Variants in CACNB2 observed in about 807,000 individuals in gnomAD.
CACNB2 encodes voltage-dependent L-type calcium channel subunit beta-2.
A neutral mutation model predicts 73.3 loss-of-function variants in CACNB2; 42 were observed. The observed-to-expected ratio is 0.57, with a 90% CI of 0.45 to 0.74. The LOEUF is 0.74. Among genes scored for constraint, CACNB2 ranks in the 30% least tolerant of loss-of-function variants. The pLI, the probability that CACNB2 is intolerant of heterozygous loss-of-function variation, is 0.00. For missense variants in CACNB2, 940 were observed against 853.0 expected (o/e 1.10, Z -1.27); for synonymous variants, 348 against 310.3 (o/e 1.12, Z -1.28).
chr10:18,372,569 G>A (rs1750930724), intron 2 of CACNB2, among the ~76,000 whole-genome samples: 1 of 152,016 alleles, frequency 6.6e-6, no homozygotes, highest in Non-Finnish European at 1.5e-5. Context: ...ACTATGCCTG[G>A]CTAATTTTTG....
intron 13 of CACNB2, 180 bp from the exon 14 acceptor site, chr10:18,539,045 TTAATA>T (rs1278349566): frequency 2.9e-6 from 2 of 687,704 alleles, no homozygotes; most frequent in Non-Finnish European, 5.0e-6. Context: ...AAAGTCCAAT[TTAATA>T]TAGTATAGTA....
chr10:18,162,934 T>C (rs1195930148), intron 2 of CACNB2, among the ~76,000 whole-genome samples: 3 of 152,220 alleles, frequency 2.0e-5, no homozygotes, highest in Non-Finnish European at 4.4e-5. Flanking sequence ...TAAATACCGG[T>C]AGGCTCAGAT....
chr10:18,276,389 C>G (rs996884932), intron 2 of CACNB2, among the ~76,000 whole-genome samples: 1 of 152,114 alleles, frequency 6.6e-6, no homozygotes, highest in African/African-American at 2.4e-5. Flanking sequence ...GCACCCTCAC[C>G]CCACAAACAA....
chr10:18,353,150 G>A (rs1346158901), intron 2 of CACNB2, among the ~76,000 whole-genome samples: 5 of 152,248 alleles, frequency 3.3e-5, no homozygotes, highest in Admixed American at 1.3e-4. Context: ...GGTGGCTCAT[G>A]CCTGTAATCC....
chr10:18,156,608 C>T (rs1442919621), intron 2 of CACNB2, among the ~76,000 whole-genome samples: 1 of 152,174 alleles, frequency 6.6e-6, no homozygotes, highest in Non-Finnish European at 1.5e-5. Context: ...TATGAGGTTG[C>T]TGTTGGTTCT....
intron 1 of CACNB2, among the ~76,000 whole-genome samples, chr10:18,141,574 T>G (rs1050140980): frequency 2.0e-5 from 3 of 149,706 alleles, no homozygotes; most frequent in Non-Finnish European, 4.5e-5. Flanking sequence ...TTTCTCTCCG[T>G]TGAGTGTTTG....
rs115925965 is a variant in CACNB2, at chr10:18,458,148, A to C, written c.334-40207A>C. Among the ~76,000 whole-genome samples, 1,122 of 152,346 alleles carry C rather than the reference A, an allele frequency of 7.4e-3. 22 individuals are homozygous for C. The highest frequency in any genetic ancestry group is 0.025 in the African/African-American group (1,046 of 41,576). The stretch of plus-strand genomic sequence containing the variant: ...CTTTAAAAATATACAAGTATTTTAG[A>C]CTATGCAAACATTTACGCTTGTTTG... On this transcript the variant is annotated intron_variant, in intron 3 of 13. Transcript: ENST00000324631.
intron 1 of CACNB2, among the ~76,000 whole-genome samples, chr10:18,144,750 T>C (rs1041211239): frequency 3.9e-5 from 6 of 152,252 alleles, no homozygotes; most frequent in Non-Finnish European, 7.3e-5. Flanking sequence ...GCAATGACCA[T>C]GTTTTGGATA....
Position 18,536,097 on chromosome 10 carries a change from A to T in CACNB2, c.1207-4A>T. ...CTCTGTTAAAAACTCATTATCTTTT[A>T]CAGGTTTTACAAAGGTTAATAAAAT... On this transcript the variant is annotated splice_region_variant and splice_polypyrimidine_tract_variant and intron_variant, in intron 11 of 13. Coordinates refer to ENST00000324631, the MANE Select transcript of CACNB2 (RefSeq NM_201596.3). 1 of 1,561,002 alleles carries T rather than the reference A, an allele frequency of 6.4e-7. No homozygotes were observed. Among genetic ancestry groups the T allele is most frequent in the Non-Finnish European group, 8.8e-7 (1 of 1,131,980 alleles).
Position 18,452,259 on chromosome 10 carries a change from C to T in CACNB2, c.334-46096C>T, listed in dbSNP as rs116106766. 8.5e-3 allele frequency among the ~76,000 whole-genome samples: 1,294 copies of T among 152,032 alleles called. 17 individuals are homozygous for T. Among genetic ancestry groups the T allele is most frequent in the African/African-American group, 0.03 (1,237 of 41,478 alleles). On this transcript the variant is annotated intron_variant, in intron 3 of 13. Transcript: ENST00000324631. The stretch of plus-strand genomic sequence containing the variant: ...GCAACAAAGTGAGACCCTGTCTTTA[C>T]CAAATAGAAAAAAAATTGAATGGGC...
At chr10:18,453,380 C>T (rs1191822951) in intron 3 of CACNB2, among the ~76,000 whole-genome samples, 1 of 152,194 alleles carries the variant, frequency 6.6e-6, no homozygotes, top group East Asian at 1.9e-4. Flanking sequence ...CCAGTCCCAC[C>T]TCATTGCCTA....
At chr10:18,498,050 G>T (rs1005932667) in intron 3 of CACNB2, among the ~76,000 whole-genome samples, 1 of 152,094 alleles carries the variant, frequency 6.6e-6, no homozygotes, top group African/African-American at 2.4e-5. Flanking sequence ...CTGATTTACA[G>T]TTGCTACAAG....
intron 2 of CACNB2, among the ~76,000 whole-genome samples, chr10:18,320,926 G>A (rs1414167741): frequency 1.3e-5 from 2 of 152,116 alleles, no homozygotes; most frequent in Admixed American, 1.3e-4. Flanking sequence ...AGAAATAATT[G>A]TCTTACTTAA....
At chr10:18,509,338 T>C (rs1012487188) in intron 6 of CACNB2, among the ~76,000 whole-genome samples, 1 of 152,178 alleles carries the variant, frequency 6.6e-6, no homozygotes, top group African/African-American at 2.4e-5. Context: ...AAAGTATATA[T>C]GCTTGGATGC....
At chr10:18,382,171 A>G (rs1053728970) in intron 2 of CACNB2, among the ~76,000 whole-genome samples, 1 of 152,046 alleles carries the variant, frequency 6.6e-6, no homozygotes, top group African/African-American at 2.4e-5. Flanking sequence ...TACAGCAACA[A>G]TAATAATAAA....
chr10:18,255,060 C>G (rs896871490), intron 2 of CACNB2, among the ~76,000 whole-genome samples: 9 of 152,348 alleles, frequency 5.9e-5, no homozygotes, highest in Middle Eastern at 3.4e-3. Flanking sequence ...TGGCTTCTCT[C>G]TAGCCGTCTT....
At chr10:18,273,345 T>C (rs548296055) in intron 2 of CACNB2, among the ~76,000 whole-genome samples, 5 of 150,802 alleles carry the variant, frequency 3.3e-5, no homozygotes, top group South Asian at 2.1e-4. Flanking sequence ...CTGAGGAAAA[T>C]CCAAGTGCTG....
chr10:18,514,357 CTTCT>C lies in CACNB2; in HGVS notation c.795_798del (p.Phe265LeufsTer21). The C allele has an allele frequency of 6.2e-7, 1 of 1,614,102 alleles. No individual in the cohort carries two copies. The highest frequency in any genetic ancestry group is 8.5e-7 in the Non-Finnish European group (1 of 1,180,006). The stretch of plus-strand genomic sequence containing the variant: ...CCCACTCCAAAGAGAAAAGAATGCC[CTTCT>C]TTAAGAAGGTAACATTAACTTCCAA... On this transcript the variant is annotated frameshift_variant, in exon 7 of 14. Transcript: ENST00000324631. LOFTEE classifies it high-confidence loss of function.
chr10:18,499,928 G>A (rs1035623316), intron 4 of CACNB2, among the ~76,000 whole-genome samples: 6 of 151,982 alleles, frequency 3.9e-5, no homozygotes, highest in Non-Finnish European at 7.4e-5. Context: ...CCAGGATCAT[G>A]TCACTGCACT....
Sources: allele counts gnomAD v4.1 joint callset (sites outside exome capture counted in the v4.1 genomes callset), GRCh38; gene constraint gnomAD v4.1.1; transcripts MANE v1.5; gene names NCBI Gene and HGNC (gene_info 2026-07-23, HGNC 2026-07-21).